Variants in KIF27 observed in about 807,000 individuals in gnomAD.
KIF27 encodes the protein kinesin family member 27, also known as kinesin-like protein KIF27.
A neutral mutation model predicts 141.8 loss-of-function variants in KIF27; 84 were observed. That is an observed-to-expected ratio of 0.59 (90% confidence interval 0.50 to 0.71). The LOEUF (loss-of-function observed/expected upper bound fraction) is 0.71, where lower values mean the gene tolerates loss of function less well. Ranked by LOEUF, KIF27 falls within the 30% of genes least tolerant of loss-of-function variation. The pLI is 0.00. For missense variants in KIF27, 1,306 were observed against 1,628.4 expected, an observed-to-expected ratio of 0.80 and a Z score of 3.41; for synonymous variants, 471 against 569.5, an observed-to-expected ratio of 0.83 and a Z score of 2.46.
intron 17 of KIF27, among the ~76,000 whole-genome samples, chr9:83,840,872 C>G (rs1405920793): frequency 2.6e-5 from 4 of 152,048 alleles, no homozygotes; most frequent in Non-Finnish European, 5.9e-5. Flanking sequence ...TCTTGGAATA[C>G]TGAACCAGCA....
intron 16 of KIF27, chr9:83,847,484 CTTA>C (rs1371276955): frequency 6.6e-6 from 1 of 152,046 alleles, no homozygotes; most frequent in Non-Finnish European, 1.5e-5. Flanking sequence ...TAATTATAAC[CTTA>C]TTATTGTCTT....
chr9:83,845,957 A>G (rs1031028513), intron 16 of KIF27, among the ~76,000 whole-genome samples: 1 of 152,164 alleles, frequency 6.6e-6, no homozygotes, highest in Non-Finnish European at 1.5e-5. Flanking sequence ...TCAAGTGGAT[A>G]TGATAACCCA....
chr9:83,859,543 G>GT (rs1412627545), intron 13 of KIF27, 172 bp from the exon 14 acceptor site: 1 of 580,452 alleles, frequency 1.7e-6, no homozygotes, highest in African/African-American at 1.9e-5. Flanking sequence ...TTCTTTTTTT[G>GT]TTTTTGACAT....
At position 83,834,319 on chromosome 9, in the gene KIF27, C is replaced by T. The variant is rs2131384676; in HGVS notation, c.*2682G>A. Among the ~76,000 whole-genome samples the T allele has an allele frequency of 6.6e-6, 1 of 152,108 alleles. No homozygotes were observed. Among genetic ancestry groups the T allele is most frequent in the Middle Eastern group, 3.4e-3 (1 of 294 alleles). The stretch of plus-strand genomic sequence containing the variant: ...AATTTTTTTCTTTCCTTTGTGAGAA[C>T]ACCGACTAAACTAGAATGACCAGAG... On this transcript the variant is annotated 3_prime_UTR_variant, in exon 18 of 18. Coordinates refer to ENST00000297814, the MANE Select transcript of KIF27 (RefSeq NM_017576.4).
chr9:83,887,991 C>A (rs931068127), intron 8 of KIF27, among the ~76,000 whole-genome samples: 19 of 133,120 alleles, frequency 1.4e-4, no homozygotes, highest in Admixed American at 7.3e-4. Flanking sequence ...AACAAAATCT[C>A]CTACTACCGG....
intron 11 of KIF27, among the ~76,000 whole-genome samples, chr9:83,870,934 T>A (rs1271692531): frequency 6.6e-6 from 1 of 152,064 alleles, no homozygotes; most frequent in Middle Eastern, 3.2e-3. Context: ...TTTTTAGAGA[T>A]AGGGTCTCAC....
intron 17 of KIF27, among the ~76,000 whole-genome samples, chr9:83,841,999 C>G (rs1056338162): frequency 2.0e-5 from 3 of 152,200 alleles, no homozygotes; most frequent in African/African-American, 7.2e-5. Context: ...ATAAGGTCTA[C>G]AAGCCCCTGG....
intron 2 of KIF27, 56 bp from the exon 3 acceptor site, chr9:83,908,708 A>G: frequency 9.3e-7 from 1 of 1,078,338 alleles, no homozygotes; most frequent in Non-Finnish European, 1.3e-6. Context: ...GCAAAGCTAC[A>G]ACCCCAAATT....
chr9:83,857,764 T>C (rs1291365375), intron 14 of KIF27, among the ~76,000 whole-genome samples: 2 of 152,212 alleles, frequency 1.3e-5, no homozygotes, highest in African/African-American at 4.8e-5. Flanking sequence ...TAGCTCAAGA[T>C]TCTGATCTAC....
chr9:83,909,244 C>T (rs1954893000), intron 2 of KIF27, among the ~76,000 whole-genome samples: 1 of 152,138 alleles, frequency 6.6e-6, no homozygotes. Flanking sequence ...GTGTAACTAC[C>T]AGCCGAGAGA....
Position 83,903,895 on chromosome 9 carries a change from T to C in KIF27, c.623A>G (p.His208Arg). 3.7e-6 allele frequency: 6 copies of C among 1,614,188 alleles called. No individual in the cohort carries two copies. Among genetic ancestry groups the C allele is most frequent in the Non-Finnish European group, 5.1e-6 (6 of 1,180,022 alleles). ...ACAAATGCTGATTGTAAAAATTGCA[T>C]GTGATCTGCTGGAGTGCTCATTCAT... ...TQMNEHSSRSHAIFTISICQV... is the reference protein window; with the variant it reads ...TQMNEHSSRSRAIFTISICQV... The change falls in exon 4 of 18, where the codon CAT (histidine) becomes CGT (arginine). Residue 208 changes from histidine to arginine, a missense_variant. Around this residue, in one of 4 missense-constraint regions of KIF27, gnomAD observed 533 missense variants for 565.6 expected, o/e 0.94. Coordinates refer to ENST00000297814, the MANE Select transcript of KIF27 (RefSeq NM_017576.4).
chr9:83,838,525 G>A (rs7859405), intron 17 of KIF27, among the ~76,000 whole-genome samples: 2,678 of 152,238 alleles, frequency 0.018, 93 homozygotes, highest in African/African-American at 0.062. Context: ...ATGAGCCACC[G>A]CACCTGGCCC....
At chr9:83,882,895 AT>A (rs2132237640) in intron 10 of KIF27, among the ~76,000 whole-genome samples, 1 of 152,286 alleles carries the variant, frequency 6.6e-6, no homozygotes, top group Admixed American at 6.5e-5. Flanking sequence ...TTGAGAAACT[AT>A]TTAGGTAACA....
In KIF27 at chr9:83,903,042, T is replaced by A; in HGVS notation, c.1458+18A>T. On this transcript the variant is annotated intron_variant, in intron 4 of 17. Coordinates refer to ENST00000297814, the MANE Select transcript of KIF27 (RefSeq NM_017576.4). ...TCAATAAAATAAATAAATAAATAAA[T>A]AAGTGATGTCTAAGTACCTGGCATT... 7.0e-7 allele frequency: 1 copy of A among 1,436,638 alleles called. No homozygotes were observed. Among genetic ancestry groups the A allele is most frequent in the East Asian group, 2.3e-5 (1 of 43,686 alleles). The allele number at this position is 1,436,638 out of a possible 1,614,324, so 89.0% of individuals were successfully genotyped here.
intron 2 of KIF27, 98 bp from the exon 3 acceptor site, chr9:83,908,750 T>A: frequency 1.5e-6 from 1 of 667,954 alleles, no homozygotes; most frequent in South Asian, 3.2e-5. Context: ...CATTTCTATA[T>A]ATTATAACTT....
At chr9:83,906,744 CAAAAAAA>C (rs565683124) in intron 3 of KIF27, among the ~76,000 whole-genome samples, 2 of 50,048 alleles carry the variant, frequency 4.0e-5, no homozygotes, top group Admixed American at 2.2e-4. Flanking sequence ...ACCCTGTCTC[CAAAAAAA>C]AAAAAAAAAA....
At chr9:83,904,165 A>G in intron 3 of KIF27, 147 bp from the exon 4 acceptor site, 1 of 567,436 alleles carries the variant, frequency 1.8e-6, no homozygotes, top group Non-Finnish European at 3.1e-6. Context: ...AACATCAGCA[A>G]CATCATCAAA....
intron 13 of KIF27, among the ~76,000 whole-genome samples, chr9:83,861,807 T>G: frequency 6.6e-6 from 1 of 151,178 alleles, no homozygotes. Context: ...AGTGTAAAAG[T>G]GTTCCTATTT....
intron 13 of KIF27, among the ~76,000 whole-genome samples, chr9:83,864,272 T>C (rs1418042987): frequency 6.6e-6 from 1 of 152,234 alleles, no homozygotes; most frequent in Non-Finnish European, 1.5e-5. Context: ...TGTTAGGCTG[T>C]TAATTTTAGA....
Sources: gnomAD v4.1 joint callset for allele counts (sites outside exome capture counted in the v4.1 genomes callset) on GRCh38, gnomAD v4.1.1 for gene constraint, gnomAD v4.1.1 regional missense constraint, MANE v1.5 for transcripts, NCBI Gene and HGNC (gene_info 2026-07-23, HGNC 2026-07-21) for gene names.